The following MBOAT4 variants were observed in gnomAD, a reference collection of about 807,000 sequenced individuals.
MBOAT4 encodes the protein membrane bound ghrelin O-acyltransferase MBOAT4.
MBOAT4 carries 11 observed loss-of-function variants against 13.2 expected under a neutral mutation model. That is an observed-to-expected ratio of 0.84 (90% CI 0.53 to 1.38). The LOEUF is 1.38. Among genes scored for constraint, MBOAT4 ranks in the 40% most tolerant of loss-of-function variants. MBOAT4 has a pLI of 0.00. For missense variants in MBOAT4, 481 were observed against 527.2 expected, an observed-to-expected ratio of 0.91 and a Z score of 0.86; for synonymous variants, 202 against 210.3, an observed-to-expected ratio of 0.96 and a Z score of 0.34.
At chr8:30,137,853 G>A (rs914535604) in intron 2 of MBOAT4, 3 of 268,716 alleles carry the variant, frequency 1.1e-5, no homozygotes, top group South Asian at 8.5e-5. Context: ...TAGGAGTCAT[G>A]CAGCTGGAGA....
In MBOAT4 at chr8:30,138,680, G is replaced by T. The variant is rs771814013; in HGVS notation, c.196C>A (p.Pro66Thr). The T allele has an allele frequency of 6.4e-7, 1 of 1,551,090 alleles. No homozygotes were observed. The highest frequency in any genetic ancestry group is 8.7e-7 in the Non-Finnish European group (1 of 1,147,006). Residue 66 changes from proline (P) to threonine (T), a missense_variant, in exon 2 of 3, where the codon CCT becomes ACT. Transcript: ENST00000320542. Reference sequence around the variant, plus strand: ...AGGAGAGCCACAGCGCAGACAGCAGGGGTGAAGACGAGCACGGCGTAGGAA... The same window carrying T: ...AGGAGAGCCACAGCGCAGACAGCAGTGGTGAAGACGAGCACGGCGTAGGAA... ...MGSYAVLVFT[P>T]AVCAVALLCS...
intron 1 of MBOAT4, among the ~76,000 whole-genome samples, chr8:30,140,910 T>G (rs930172568): frequency 6.6e-6 from 1 of 151,874 alleles, no homozygotes; most frequent in African/African-American, 2.4e-5. Context: ...CGATCATGAC[T>G]CACTGCAGCC....
chr8:30,134,535 A>G lies in MBOAT4; in HGVS notation c.345-1629T>C, dbSNP rs531963372. 2.0e-4 allele frequency among the ~76,000 whole-genome samples: 30 copies of G among 152,024 alleles called. No homozygotes were observed. In the East Asian group the frequency reaches 5.8e-3, roughly 29 times the overall value. On this transcript the variant is annotated intron_variant, in intron 2 of 2. Transcript: ENST00000320542. ...TGTAATGCCCAATTCCTAAATAAGTATCATTTTCTTTTTTTATTTTTTTGG... is the reference window on the plus strand; with the variant it reads ...TGTAATGCCCAATTCCTAAATAAGTGTCATTTTCTTTTTTTATTTTTTTGG...
Position 30,132,536 on chromosome 8 carries a change from C to T in MBOAT4, c.715G>A (p.Glu239Lys), listed in dbSNP as rs1803046108. 3.9e-6 allele frequency: 6 copies of T among 1,551,728 alleles called. No homozygotes were observed. Among genetic ancestry groups the T allele is most frequent in the Non-Finnish European group, 5.2e-6 (6 of 1,147,008 alleles). The stretch of plus-strand genomic sequence containing the variant: ...GTGGTCCACACGACATAGATGCACT[C>T]GAATTGCTGGCAATCAGTCAGTCCC... ...GAGLTDCQQF[E>K]CIYVVWTTAG... The change falls in exon 3 of 3, where the codon GAG (glutamate) becomes AAG (lysine). Residue 239 changes from glutamate to lysine, a missense_variant. By Grantham distance (56) the Glu-to-Lys change is moderately conservative. Transcript: ENST00000320542.
chr8:30,138,875 A>G (rs1803208463), intron 1 of MBOAT4, 119 bp from the exon 2 acceptor site: 3 of 695,332 alleles, frequency 4.3e-6, no homozygotes, highest in Non-Finnish European at 4.9e-6. Flanking sequence ...TAAAGTAGCC[A>G]TGCTGTTTGC....
In MBOAT4 at chr8:30,137,393, T is replaced by C. The variant is rs1217273847; in HGVS notation, c.344+1139A>G. The C allele has an allele frequency of 5.2e-6, 8 of 1,551,502 alleles. No homozygotes were observed. In the Admixed American group the frequency reaches 1.2e-4, roughly 23 times the overall value. On this transcript the variant is annotated intron_variant, in intron 2 of 2. Coordinates refer to ENST00000320542, the MANE Select transcript of MBOAT4 (RefSeq NM_001100916.2). Reference sequence around the variant, plus strand: ...AGAAGATTGTTACCTGCAAGCAGAGTGTCCACTCAACCCGTGCTGAGGCTG... The same window carrying C: ...AGAAGATTGTTACCTGCAAGCAGAGCGTCCACTCAACCCGTGCTGAGGCTG...
At position 30,132,594 on chromosome 8, in the gene MBOAT4, G is replaced by T; in HGVS notation, c.657C>A (p.Asn219Lys). 2 of 1,551,736 alleles carry T rather than the reference G, an allele frequency of 1.3e-6. No homozygotes were observed. Among genetic ancestry groups the T allele is most frequent in the Non-Finnish European group, 1.7e-6 (2 of 1,147,018 alleles). The change falls in exon 3 of 3, where the codon AAC becomes AAA. Residue 219 changes from asparagine to lysine, a missense_variant. Asn to Lys is a moderately conservative substitution (Grantham distance 94). Coordinates refer to ENST00000320542, the MANE Select transcript of MBOAT4 (RefSeq NM_001100916.2). Reference protein sequence around the residue: ...GLQILGLECLNVAVSRVVDAG... With the variant: ...GLQILGLECLKVAVSRVVDAG... ...CATCCACCACCCTGCTCACTGCCACGTTTAGGCATTCTAGTCCAAGAATCT... is the reference window on the plus strand; with the variant it reads ...CATCCACCACCCTGCTCACTGCCACTTTTAGGCATTCTAGTCCAAGAATCT...
At chr8:30,141,714 G>A (rs988700719) in intron 1 of MBOAT4, among the ~76,000 whole-genome samples, 4 of 152,122 alleles carry the variant, frequency 2.6e-5, no homozygotes, top group Admixed American at 1.3e-4. Context: ...CTTTTGACTC[G>A]CTGGGAAAGC....
chr8:30,142,815 G>A (rs1428486112), intron 1 of MBOAT4, among the ~76,000 whole-genome samples: 2 of 152,208 alleles, frequency 1.3e-5, no homozygotes, highest in Admixed American at 6.5e-5. Flanking sequence ...AGGGCCATGA[G>A]ACAGTTGTGA....
chr8:30,133,780 C>T (rs1156753083), intron 2 of MBOAT4, among the ~76,000 whole-genome samples: 9 of 107,526 alleles, frequency 8.4e-5, no homozygotes, highest in Non-Finnish European at 1.8e-4. Flanking sequence ...CCAAGTGAGA[C>T]CCTGTCTCAA....
At position 30,132,685 on chromosome 8, in the gene MBOAT4, C is replaced by T. The variant is rs61745343; in HGVS notation, c.566G>A (p.Arg189His). 1.3e-3 allele frequency: 1,994 copies of T among 1,551,722 alleles called. 26 individuals carry two copies. In the African/African-American group the frequency reaches 0.023, roughly 18 times the overall value. ...ATGCAAAGCACTGGACCCTTGAACA[C>T]GAGCCTGAAATCGCTGGAAGGAGCA... The part of the protein sequence containing the change: ...SLCSFQRFQA[R>H]VQGSSALHPR... The change falls in exon 3 of 3, where the codon CGT (arginine) becomes CAT (histidine). Residue 189 changes from arginine to histidine, a missense_variant. Arg to His is a conservative substitution (Grantham distance 29, BLOSUM62 0). Coordinates refer to ENST00000320542, the MANE Select transcript of MBOAT4 (RefSeq NM_001100916.2).
intron 1 of MBOAT4, among the ~76,000 whole-genome samples, chr8:30,141,149 T>A (rs1482093859): frequency 6.6e-6 from 1 of 152,148 alleles, no homozygotes; most frequent in African/African-American, 2.4e-5. Flanking sequence ...CCATTGTTTT[T>A]TTAATGTTGT....
chr8:30,132,033 C>T lies in MBOAT4; in HGVS notation c.1218G>A (p.Trp406Ter). 6.4e-7 allele frequency: 1 copy of T among 1,551,830 alleles called. No homozygotes were observed. Among genetic ancestry groups the T allele is most frequent in the Non-Finnish European group, 8.7e-7 (1 of 1,147,052 alleles). The change falls in exon 3 of 3, where the codon TGG (tryptophan) becomes TGA (stop). Residue 406 changes from tryptophan (W) to a stop codon, truncating the protein, a stop_gained. Transcript: ENST00000320542. LOFTEE classifies it low-confidence loss of function (END_TRUNC). Reference sequence around the variant, plus strand: ...CACTGTTGTACGAATTACAGAGCAACCAGAGAGAGGAGAGACTCCTGACCT... The same window carrying T: ...CACTGTTGTACGAATTACAGAGCAATCAGAGAGAGGAGAGACTCCTGACCT... ...AVEVRSLSSL[W>*]LLCNSYNSVF...
At chr8:30,135,720 C>G (rs1184676477) in intron 2 of MBOAT4, among the ~76,000 whole-genome samples, 1 of 151,834 alleles carries the variant, frequency 6.6e-6, no homozygotes, top group Non-Finnish European at 1.5e-5. Context: ...TTGAGACCAG[C>G]CTGGGCAACA....
At position 30,137,065 on chromosome 8, in the gene MBOAT4, C is replaced by T. The variant is rs535377052; in HGVS notation, c.344+1467G>A. Among the ~76,000 whole-genome samples the T allele has an allele frequency of 4.6e-5, 7 of 152,098 alleles. No individual in the cohort carries two copies. In the South Asian group the frequency reaches 8.3e-4, roughly 18 times the overall value. On this transcript the variant is annotated intron_variant, in intron 2 of 2. Transcript: ENST00000320542. ...AGGATGGCAAAGCAAGTGAACCAAC[C>T]GCAGGCTAGAATCAGATAGGTGACC...
intron 1 of MBOAT4, among the ~76,000 whole-genome samples, chr8:30,144,237 C>T (rs1009533137): frequency 6.6e-6 from 1 of 151,964 alleles, no homozygotes; most frequent in Non-Finnish European, 1.5e-5. Flanking sequence ...TGGGCTTAAG[C>T]AGGTCTCCTG....
chr8:30,140,047 CT>C (rs375406917), intron 1 of MBOAT4, among the ~76,000 whole-genome samples: 1 of 151,716 alleles, frequency 6.6e-6, no homozygotes, highest in African/African-American at 2.4e-5. Context: ...ATTGCAGAAT[CT>C]TTTTTTTTAG....
intron 1 of MBOAT4, 72 bp downstream of exon 1, chr8:30,144,411 C>A: frequency 8.7e-7 from 1 of 1,144,484 alleles, no homozygotes; most frequent in South Asian, 1.4e-5. Flanking sequence ...GCAGGGATTA[C>A]GGGCGTGAGC....
intron 2 of MBOAT4, chr8:30,137,901 A>G (rs1044071294): frequency 5.2e-5 from 13 of 248,724 alleles, no homozygotes; most frequent in African/African-American, 2.5e-4. Context: ...GCTCCTGGGG[A>G]TAACATTACT....
Sources: gnomAD v4.1 joint callset for allele counts (sites outside exome capture counted in the v4.1 genomes callset) on GRCh38, gnomAD v4.1.1 for gene constraint, MANE v1.5 for transcripts, NCBI Gene and HGNC (gene_info 2026-07-23, HGNC 2026-07-21) for gene names.